The following KDM8 variants were observed in gnomAD, a reference collection of about 807,000 sequenced individuals.
KDM8 encodes lysine demethylase 8.
KDM8 carries 35 observed loss-of-function variants against 46.9 expected under a neutral mutation model. That is an observed-to-expected ratio of 0.75 (90% CI 0.57 to 0.99). The LOEUF (loss-of-function observed/expected upper bound fraction) is 0.99, where lower values mean the gene tolerates loss of function less well. Among genes scored for constraint, KDM8 ranks in the 50% least tolerant of loss-of-function variants. The probability of loss-of-function intolerance (pLI) is 0.00; values close to 1 mark genes in which losing one functional copy is unlikely to be tolerated. For synonymous variants in KDM8, 232 were observed against 227.7 expected, an observed-to-expected ratio of 1.02 and a Z score of -0.17; for missense variants, 475 against 537.0, an observed-to-expected ratio of 0.88 and a Z score of 1.14.
Position 27,213,937 on chromosome 16 carries a change from T to A in KDM8, c.665+186T>A. ...AGGTGCTCTGAATTTATGCCGCAGG[T>A]TATGGGATTCTTACCTTCTACCTTG... On this transcript the variant is annotated intron_variant, in intron 3 of 7. Transcript: ENST00000286096. 8.2e-6 allele frequency: 5 copies of A among 609,436 alleles called. No homozygotes were observed. The South Asian group carries it at 1.2e-4, about 15-fold the overall frequency. 37.8% of individuals were successfully genotyped at this position (609,436 alleles called of 1,614,324 possible).
intron 5 of KDM8, chr16:27,216,195 T>C: frequency 1.7e-6 from 1 of 600,342 alleles, no homozygotes; most frequent in Non-Finnish European, 3.0e-6. Flanking sequence ...CCGAGGATTG[T>C]AGGGGCTGCT....
chr16:27,220,343 G>A, intron 6 of KDM8, 50 bp from the exon 7 acceptor site: 1 of 1,525,166 alleles, frequency 6.6e-7, no homozygotes, highest in Non-Finnish European at 9.1e-7. Context: ...TGGGCTTGGG[G>A]CAGCAGTGGA....
chr16:27,210,058 T>C lies in KDM8; in HGVS notation c.-31-35T>C, dbSNP rs577985877. On this transcript the variant is annotated intron_variant, in intron 1 of 7. Transcript: ENST00000286096. ...AATGCACAGGGGATCAGGTCTGTCC[T>C]GGTGTCTAACTCTTGTTTCTCTCCA... 3.1e-5 allele frequency: 48 copies of C among 1,559,658 alleles called. 1 individual carries two copies. In the South Asian group the frequency reaches 4.9e-4, roughly 16 times the overall value.
rs145445400 is a variant in KDM8, at chr16:27,207,969, T to C, written c.-31-2124T>C. 7.5e-3 allele frequency among the ~76,000 whole-genome samples: 1,137 copies of C among 152,350 alleles called. 11 individuals carry two copies. Among genetic ancestry groups the C allele is most frequent in the African/African-American group, 0.026 (1,067 of 41,578 alleles). On this transcript the variant is annotated intron_variant, in intron 1 of 7. Coordinates refer to ENST00000286096, the MANE Select transcript of KDM8 (RefSeq NM_024773.3). ...AAAAGCCATTTTGAAAACAAACTTATACAGCCATCCTGAAGCCTCTGTCTC... is the reference window on the plus strand; with the variant it reads ...AAAAGCCATTTTGAAAACAAACTTACACAGCCATCCTGAAGCCTCTGTCTC...
In KDM8 at chr16:27,213,715, G is replaced by T; in HGVS notation, c.629G>T (p.Gly210Val). 6.2e-7 allele frequency: 1 copy of T among 1,614,200 alleles called. No individual in the cohort carries two copies. Among genetic ancestry groups the T allele is most frequent in the Non-Finnish European group, 8.5e-7 (1 of 1,180,032 alleles). ...CCAGGGAGGCCCGTGATCCTGAAAG[G>T]CGTGGCTGACCACTGGCCGTGCATG... ...LVPGRPVILKGVADHWPCMQK... is the reference protein window; with the variant it reads ...LVPGRPVILKVVADHWPCMQK... The change falls in exon 3 of 8, where the codon GGC (glycine) becomes GTC (valine). Residue 210 changes from glycine (G) to valine (V), a missense_variant. Physicochemically the swap from Gly to Val is moderately radical, Grantham distance 109. Transcript: ENST00000286096.
intron 5 of KDM8, among the ~76,000 whole-genome samples, chr16:27,216,953 T>A (rs2083562512): frequency 6.6e-6 from 1 of 152,130 alleles, no homozygotes. Flanking sequence ...AGCTGTTTCA[T>A]ACTTTGTAGG....
At position 27,219,009 on chromosome 16, in the gene KDM8, G is replaced by A. The variant is rs1567266750; in HGVS notation, c.892G>A (p.Gly298Ser). ...DISIPDYCSL[G>S]DGEEEEITIN... ...CAGCATCCCCGACTACTGCAGCCTG[G>A]GCGATGGGGAGGAGGAGGAAATCAC... The change falls in exon 6 of 8, where the codon GGC becomes AGC. Residue 298 changes from glycine to serine, a missense_variant. Physicochemically the swap from Gly to Ser is moderately conservative, Grantham distance 56. Coordinates refer to ENST00000286096, the MANE Select transcript of KDM8 (RefSeq NM_024773.3). 6.2e-7 allele frequency: 1 copy of A among 1,614,086 alleles called. No homozygotes were observed. Among genetic ancestry groups the A allele is most frequent in the Non-Finnish European group, 8.5e-7 (1 of 1,180,006 alleles).
intron 1 of KDM8, among the ~76,000 whole-genome samples, chr16:27,206,603 G>A (rs1275726755): frequency 6.6e-6 from 1 of 152,180 alleles, no homozygotes; most frequent in Non-Finnish European, 1.5e-5. Flanking sequence ...GCAATTCAGT[G>A]AGGAGTTCTG....
chr16:27,203,963 T>A (rs2083401192), intron 1 of KDM8: 1 of 650,708 alleles, frequency 1.5e-6, no homozygotes, highest in Non-Finnish European at 2.5e-6. Flanking sequence ...GGCGTCGCGT[T>A]GGTGTAGGCC....
intron 2 of KDM8, among the ~76,000 whole-genome samples, chr16:27,211,921 C>T (rs1567263493): frequency 6.6e-6 from 1 of 152,156 alleles, no homozygotes; most frequent in Non-Finnish European, 1.5e-5. Context: ...CCACCCACCT[C>T]AGCCTCCTAA....
Position 27,210,514 on chromosome 16 carries a change from G to A in KDM8, c.391G>A (p.Ala131Thr). 3.2e-6 allele frequency: 5 copies of A among 1,558,078 alleles called. No homozygotes were observed. Among genetic ancestry groups the A allele is most frequent in the Non-Finnish European group, 4.4e-6 (5 of 1,148,666 alleles). ...RVCDMGLLMG[A>T]AILGDILLKV... ...CTGTGACATGGGCCTGCTGATGGGG[G>A]CAGCCATCCTGGGGGACATCCTTCT... is the stretch of plus-strand genomic sequence containing the variant. Residue 131 changes from alanine to threonine, a missense_variant, in exon 2 of 8, where the codon GCA (alanine) becomes ACA (threonine). By Grantham distance (58) the Ala-to-Thr change is moderately conservative. Coordinates refer to ENST00000286096, the MANE Select transcript of KDM8 (RefSeq NM_024773.3).
At chr16:27,216,120 A>G in intron 5 of KDM8, 131 bp downstream of exon 5, 3 of 961,224 alleles carry the variant, frequency 3.1e-6, no homozygotes, top group Non-Finnish European at 4.9e-6. Flanking sequence ...GGAAGGTGAC[A>G]GGACGTGGGT....
At position 27,219,090 on chromosome 16, in the gene KDM8, C is replaced by T; in HGVS notation, c.973C>T (p.Gln325Ter). The T allele has an allele frequency of 6.2e-7, 1 of 1,612,238 alleles. No homozygotes were observed. The highest frequency in any genetic ancestry group is 8.5e-7 in the Non-Finnish European group (1 of 1,178,956). ...GTISPLHQDP[Q>*]QNFLVQVMGR... ...CATCTCCCCACTACATCAGGATCCC[C>T]AGCAAAACTTCCTAGTGCAGGTTGG... Residue 325 changes from glutamine to a stop codon, truncating the protein, a stop_gained, in exon 6 of 8, where the codon CAG becomes TAG. Transcript: ENST00000286096. LOFTEE classifies it high-confidence loss of function.
At chr16:27,209,741 G>A (rs539774511) in intron 1 of KDM8, among the ~76,000 whole-genome samples, 2 of 152,246 alleles carry the variant, frequency 1.3e-5, no homozygotes, top group Non-Finnish European at 2.9e-5. Flanking sequence ...ACAGAACACT[G>A]TTGGAGAGTC....
At chr16:27,216,416 C>T (rs749460631) in intron 5 of KDM8, among the ~76,000 whole-genome samples, 26 of 152,186 alleles carry the variant, frequency 1.7e-4, no homozygotes, top group South Asian at 8.3e-4. Context: ...GGAGCTGGGG[C>T]GCCCAGGAGG....
At chr16:27,204,020 G>T in intron 1 of KDM8, 1 of 1,338,314 alleles carries the variant, frequency 7.5e-7, no homozygotes. Context: ...TGTGTCCGCT[G>T]CTTTTAGGCA....
At chr16:27,209,374 G>A (rs2083458354) in intron 1 of KDM8, among the ~76,000 whole-genome samples, 1 of 152,212 alleles carries the variant, frequency 6.6e-6, no homozygotes, top group Admixed American at 6.5e-5. Flanking sequence ...CCACAGGCAT[G>A]TACCGCCGTG....
intron 6 of KDM8, 59 bp downstream of exon 6, chr16:27,219,169 G>A (rs920889498): frequency 4.5e-5 from 67 of 1,490,678 alleles, no homozygotes; most frequent in African/African-American, 2.0e-4. Context: ...ACACCTGGCC[G>A]GCCACATTCT....
intron 4 of KDM8, 70 bp from the exon 5 acceptor site, chr16:27,215,875 G>A: frequency 6.7e-7 from 1 of 1,493,134 alleles, no homozygotes; most frequent in Non-Finnish European, 9.3e-7. Context: ...CTGGACAGCA[G>A]CAGCAGGAGG....
Sources: allele counts gnomAD v4.1 joint callset (sites outside exome capture counted in the v4.1 genomes callset), GRCh38; gene constraint gnomAD v4.1.1; transcripts MANE v1.5; gene names NCBI Gene and HGNC (gene_info 2026-07-23, HGNC 2026-07-21).